Variants in RBFOX1 observed in about 807,000 individuals in gnomAD.
The protein encoded by RBFOX1 is RNA binding protein fox-1 homolog 1.
In RBFOX1, 8 loss-of-function variants were observed where a neutral mutation model predicts 57.7. The ratio of observed to expected loss-of-function variants is 0.14; its 90% confidence interval spans 0.08 to 0.25. The LOEUF is 0.25. Among genes scored for constraint, RBFOX1 ranks in the 10% least tolerant of loss-of-function variants. The probability of loss-of-function intolerance (pLI) is 1.00; values close to 1 mark genes in which losing one functional copy is unlikely to be tolerated. For synonymous variants in RBFOX1, 326 were observed against 222.4 expected (o/e 1.47, Z -4.15); for missense variants, 611 against 548.5 (o/e 1.11, Z -1.14).
At chr16:6,594,235 G>A (rs546275062) in intron 2 of RBFOX1, among the ~76,000 whole-genome samples, 1 of 152,270 alleles carries the variant, frequency 6.6e-6, no homozygotes, top group Admixed American at 6.5e-5. Context: ...GAATGTTGGT[G>A]ACTGCTAAAT....
chr16:5,393,367 C>T (rs1440680544), intron 1 of RBFOX1, among the ~76,000 whole-genome samples: 1 of 152,202 alleles, frequency 6.6e-6, no homozygotes, highest in Non-Finnish European at 1.5e-5. Context: ...GTCCAGGCAG[C>T]CCTGCCTGAA....
chr16:5,849,380 C>T (rs748799923), intron 3 of RBFOX1, among the ~76,000 whole-genome samples: 1 of 152,020 alleles, frequency 6.6e-6, no homozygotes. Context: ...CCTGCTTCCT[C>T]AAGGTGTAGG....
At chr16:7,058,691 T>C (rs553655538) in intron 4 of RBFOX1, among the ~76,000 whole-genome samples, 1 of 152,188 alleles carries the variant, frequency 6.6e-6, no homozygotes, top group Admixed American at 6.5e-5. Context: ...ATAAAAAAGG[T>C]TCTTAATTAT....
chr16:6,109,034 A>T (rs914141408), intron 1 of RBFOX1, among the ~76,000 whole-genome samples: 1 of 152,220 alleles, frequency 6.6e-6, no homozygotes, highest in South Asian at 2.1e-4. Flanking sequence ...GGTGGCGATT[A>T]TTCAGCTTAA....
intron 3 of RBFOX1, among the ~76,000 whole-genome samples, chr16:6,922,593 G>C (rs541128408): frequency 6.6e-6 from 1 of 152,280 alleles, no homozygotes; most frequent in Non-Finnish European, 1.5e-5. Flanking sequence ...TGGAATAAAT[G>C]AACATGTGAT....
intron 1 of RBFOX1, among the ~76,000 whole-genome samples, chr16:5,314,073 C>G (rs1449328391): frequency 6.6e-6 from 1 of 152,152 alleles, no homozygotes; most frequent in Admixed American, 6.5e-5. Context: ...AACATTTATG[C>G]AGCACTTTCC....
At chr16:6,823,679 C>A (rs2091699309) in intron 3 of RBFOX1, among the ~76,000 whole-genome samples, 1 of 152,184 alleles carries the variant, frequency 6.6e-6, no homozygotes, top group African/African-American at 2.4e-5. Context: ...GGAAATCATT[C>A]TTCTTCCCTT....
intron 13 of RBFOX1, among the ~76,000 whole-genome samples, chr16:7,668,438 G>A (rs1202899812): frequency 9.2e-5 from 14 of 152,220 alleles, no homozygotes; most frequent in East Asian, 1.9e-4. Context: ...AGCCAGACAC[G>A]AAGGGAAAAA....
At chr16:5,615,059 G>C (rs950306104) in intron 3 of RBFOX1, among the ~76,000 whole-genome samples, 1 of 152,116 alleles carries the variant, frequency 6.6e-6, no homozygotes, top group Non-Finnish European at 1.5e-5. Flanking sequence ...TTTTGAGATG[G>C]GGTTTCACTC....
chr16:7,350,260 G>C (rs566025725), intron 4 of RBFOX1, among the ~76,000 whole-genome samples: 1 of 152,306 alleles, frequency 6.6e-6, no homozygotes, highest in South Asian at 2.1e-4. Context: ...GCTGTGTACA[G>C]TCGTGGGGTA....
At chr16:7,446,585 A>C (rs956085918) in intron 4 of RBFOX1, among the ~76,000 whole-genome samples, 6 of 152,078 alleles carry the variant, frequency 3.9e-5, no homozygotes, top group Non-Finnish European at 7.4e-5. Flanking sequence ...TAGGATGACT[A>C]GTGTCCTATA....
At chr16:7,078,442 G>T (rs60564969) in intron 4 of RBFOX1, among the ~76,000 whole-genome samples, 14,297 of 151,962 alleles carry the variant, frequency 0.094, 2,073 homozygotes, top group African/African-American at 0.31. Context: ...CCGCCTCCCG[G>T]ATTCAAGCGG....
chr16:7,068,935 A>C (rs2056752982), intron 4 of RBFOX1, among the ~76,000 whole-genome samples: 1 of 152,184 alleles, frequency 6.6e-6, no homozygotes, highest in Non-Finnish European at 1.5e-5. Context: ...CTACTCACGA[A>C]GTGTGTCAAG....
intron 2 of RBFOX1, among the ~76,000 whole-genome samples, chr16:6,561,057 A>T (rs1371165378): frequency 1.3e-5 from 2 of 152,184 alleles, no homozygotes; most frequent in Non-Finnish European, 2.9e-5. Flanking sequence ...TATCTGCTTA[A>T]TTGTTGCTAT....
intron 4 of RBFOX1, among the ~76,000 whole-genome samples, chr16:7,101,580 G>T (rs1175193371): frequency 6.6e-6 from 1 of 152,190 alleles, no homozygotes; most frequent in South Asian, 2.1e-4. Context: ...TGGTGCTTTT[G>T]GAAAAGATCA....
chr16:6,924,785 C>T (rs1044064704), intron 3 of RBFOX1, among the ~76,000 whole-genome samples: 5 of 150,860 alleles, frequency 3.3e-5, no homozygotes, highest in African/African-American at 1.2e-4. Flanking sequence ...CACCCATTAA[C>T]TTGTCATTTA....
intron 3 of RBFOX1, among the ~76,000 whole-genome samples, chr16:5,830,638 C>A (rs1221741110): frequency 2.6e-5 from 4 of 152,128 alleles, no homozygotes; most frequent in Non-Finnish European, 5.9e-5. Flanking sequence ...AGATAAAATG[C>A]AGCAGCTAGG....
At chr16:5,494,765 A>G (rs997098359) in intron 2 of RBFOX1, among the ~76,000 whole-genome samples, 1 of 152,232 alleles carries the variant, frequency 6.6e-6, no homozygotes, top group Admixed American at 6.5e-5. Flanking sequence ...GATGCTTAAT[A>G]GCTTTCGCTC....
chr16:6,258,246 C>G (rs1334859000), intron 1 of RBFOX1, among the ~76,000 whole-genome samples: 1 of 152,170 alleles, frequency 6.6e-6, no homozygotes, highest in East Asian at 1.9e-4. Flanking sequence ...TGCAACTGTG[C>G]TCTTGTACAT....
Sources: gnomAD v4.1 joint callset for allele counts (sites outside exome capture counted in the v4.1 genomes callset) on GRCh38, gnomAD v4.1.1 for gene constraint, MANE v1.5 for transcripts, NCBI Gene and HGNC (gene_info 2026-07-23, HGNC 2026-07-21) for gene names.